MBNL1: variants seen among roughly 807,000 people sequenced by gnomAD.
The protein encoded by MBNL1 is muscleblind-like protein 1.
MBNL1 carries 8 observed loss-of-function variants against 42.2 expected under a neutral mutation model. That is an observed-to-expected ratio of 0.19 (90% confidence interval 0.11 to 0.34). The LOEUF (loss-of-function observed/expected upper bound fraction) is 0.34, where lower values mean the gene tolerates loss of function less well. Ranked by LOEUF, MBNL1 falls within the 10% of genes least tolerant of loss-of-function variation. The pLI, the probability that MBNL1 is intolerant of heterozygous loss-of-function variation, is 1.00. For synonymous variants in MBNL1, 169 were observed against 173.9 expected (o/e 0.97, Z 0.22); for missense variants, 309 against 495.3 (o/e 0.62, Z 3.57).
intron 1 of MBNL1, among the ~76,000 whole-genome samples, chr3:152,296,672 T>TTGTGTG (rs10564035): frequency 0.084 from 12,442 of 148,532 alleles, 655 homozygotes; most frequent in Middle Eastern, 0.14. Flanking sequence ...GAGGCAATGA[T>TTGTGTG]TGTGTGTGTG....
At chr3:152,279,997 C>T (rs151125940) in intron 1 of MBNL1, among the ~76,000 whole-genome samples, 1 of 152,182 alleles carries the variant, frequency 6.6e-6, no homozygotes, top group Non-Finnish European at 1.5e-5. Flanking sequence ...CTATTTAGAA[C>T]ATATGGCAAA....
intron 1 of MBNL1, among the ~76,000 whole-genome samples, chr3:152,292,682 C>T (rs1368007451): frequency 1.3e-5 from 2 of 152,044 alleles, no homozygotes. Context: ...ATATCTCCTT[C>T]ATGATTTTCA....
chr3:152,421,442 T>G (rs1247415809), intron 3 of MBNL1, among the ~76,000 whole-genome samples: 3 of 152,144 alleles, frequency 2.0e-5, no homozygotes, highest in Non-Finnish European at 4.4e-5. Flanking sequence ...AGCCTAGCAG[T>G]CTGAAGTCAA....
chr3:152,386,232 G>C (rs2097414940), intron 2 of MBNL1, among the ~76,000 whole-genome samples: 2 of 151,852 alleles, frequency 1.3e-5, no homozygotes, highest in African/African-American at 4.8e-5. Flanking sequence ...AGAAAATAGA[G>C]CATGTGTTCA....
chr3:152,295,699 A>T (rs1288609413), intron 1 of MBNL1, among the ~76,000 whole-genome samples: 1 of 152,194 alleles, frequency 6.6e-6, no homozygotes, highest in Non-Finnish European at 1.5e-5. Context: ...CCAGTCCTAT[A>T]GAGAAGGTGA....
Position 152,445,480 on chromosome 3 carries a change from G to T in MBNL1, c.748G>T (p.Ala250Ser). ...PAHLQAKIKA[A>S]QYQVNQAAAA... Reference sequence around the variant, plus strand: ...ACATTTGCAAGCCAAGATCAAGGCTGCCCAATACCAGGTCAACCAGGCTGC... The same window carrying T: ...ACATTTGCAAGCCAAGATCAAGGCTTCCCAATACCAGGTCAACCAGGCTGC... Residue 250 changes from alanine (A) to serine (S), a missense_variant, in exon 5 of 10, where the codon GCC (alanine) becomes TCC (serine). By Grantham distance (99) the Ala-to-Ser change is moderately conservative. Coordinates refer to ENST00000324210, the MANE Select transcript of MBNL1 (RefSeq NM_021038.5). 3 of 1,601,900 alleles carry T rather than the reference G, an allele frequency of 1.9e-6. No homozygotes were observed. Among genetic ancestry groups the T allele is most frequent in the Non-Finnish European group, 1.7e-6 (2 of 1,172,746 alleles).
rs1293425765 is a variant in MBNL1, at chr3:152,465,522, T to G, written c.*3156T>G. 1 of 152,636 alleles carries G rather than the reference T, an allele frequency of 6.6e-6. No individual in the cohort carries two copies. The highest frequency in any genetic ancestry group is 1.5e-5 in the Non-Finnish European group (1 of 68,036). The allele number at this position is 152,636 out of a possible 1,614,324, so 9.5% of individuals were successfully genotyped here. ...GCACTTGTTTAAAAGAATTAGTGTATCCAGCCTTCACTCCAGCTGGTTAAA... is the reference window on the plus strand; with the variant it reads ...GCACTTGTTTAAAAGAATTAGTGTAGCCAGCCTTCACTCCAGCTGGTTAAA... On this transcript the variant is annotated 3_prime_UTR_variant, in exon 10 of 10. Transcript: ENST00000324210.
intron 2 of MBNL1, among the ~76,000 whole-genome samples, chr3:152,252,136 C>A (rs928854526): frequency 1.8e-5 from 2 of 109,444 alleles, no homozygotes; most frequent in African/African-American, 4.0e-5. Context: ...ACTAACCTAC[C>A]TTCCTTCCTT....
intron 4 of MBNL1, among the ~76,000 whole-genome samples, chr3:152,437,125 A>T (rs902441154): frequency 5.3e-5 from 8 of 152,230 alleles, no homozygotes; most frequent in African/African-American, 1.9e-4. Flanking sequence ...ATGTTTGGTC[A>T]TTTGGCATTT....
intron 5 of MBNL1, chr3:152,446,576 TTTG>T: frequency 1.5e-6 from 1 of 661,472 alleles, no homozygotes; most frequent in Non-Finnish European, 2.7e-6. Flanking sequence ...TGTTTTTTTA[TTTG>T]TTTTTTCTCA....
chr3:152,297,302 C>CTT (rs1297263040), intron 1 of MBNL1, among the ~76,000 whole-genome samples: 1 of 112,666 alleles, frequency 8.9e-6, no homozygotes, highest in Non-Finnish European at 1.8e-5. Context: ...GACCTAGGAA[C>CTT]TTTTTTGAAA....
chr3:152,382,097 C>G (rs1162258665), intron 2 of MBNL1, among the ~76,000 whole-genome samples: 1 of 151,860 alleles, frequency 6.6e-6, no homozygotes, highest in African/African-American at 2.4e-5. Flanking sequence ...GTTTAGTAAG[C>G]AGAGGTGGTA....
intron 2 of MBNL1, among the ~76,000 whole-genome samples, chr3:152,371,656 G>A (rs955281641): frequency 6.6e-6 from 1 of 152,104 alleles, no homozygotes; most frequent in Non-Finnish European, 1.5e-5. Context: ...TAGTGTTTCC[G>A]CAGAGAAATC....
intron 7 of MBNL1, 45 bp from the exon 8 acceptor site, chr3:152,456,222 C>T: frequency 7.5e-7 from 1 of 1,330,202 alleles, no homozygotes; most frequent in Non-Finnish European, 1.1e-6. Flanking sequence ...TTCCATATTG[C>T]TACACTCTTC....
chr3:152,253,606 T>A (rs536180286), intron 2 of MBNL1, among the ~76,000 whole-genome samples: 11 of 152,264 alleles, frequency 7.2e-5, no homozygotes, highest in African/African-American at 2.6e-4. Context: ...TATATGTCTT[T>A]GTGTCTTCTC....
chr3:152,323,463 GCACA>G (rs565282540), intron 2 of MBNL1, among the ~76,000 whole-genome samples: 16 of 151,182 alleles, frequency 1.1e-4, no homozygotes, highest in African/African-American at 3.4e-4. Flanking sequence ...ACACGTGCGT[GCACA>G]CACACACACA....
intron 4 of MBNL1, among the ~76,000 whole-genome samples, chr3:152,437,384 A>ATGTT (rs2099092747): frequency 6.6e-6 from 1 of 152,082 alleles, no homozygotes; most frequent in Non-Finnish European, 1.5e-5. Flanking sequence ...GATACTACAG[A>ATGTT]AAAAAAATGT....
intron 2 of MBNL1, chr3:152,301,818 T>C (rs968167198): frequency 6.6e-6 from 1 of 152,098 alleles, no homozygotes. Flanking sequence ...ACCCATAAAA[T>C]GAGGGGCAAG....
chr3:152,427,713 TA>T lies in MBNL1; in HGVS notation c.346-4996del, dbSNP rs1176545694. On this transcript the variant is annotated intron_variant, in intron 3 of 9. Transcript: ENST00000324210. ...TATACCTTGATTATGTGTGCTTTTT[TA>T]AAAAAAATTTTTTTATATTAAAAAC... Among the ~76,000 whole-genome samples the T allele has an allele frequency of 1.3e-4, 20 of 151,470 alleles. 1 individual carries two copies. Among genetic ancestry groups the T allele is most frequent in the African/African-American group, 3.1e-4 (13 of 41,446 alleles).
Sources: allele counts gnomAD v4.1 joint callset (sites outside exome capture counted in the v4.1 genomes callset), GRCh38; gene constraint gnomAD v4.1.1; transcripts MANE v1.5; gene names NCBI Gene and HGNC (gene_info 2026-07-23, HGNC 2026-07-21).